ENPEP: variants seen among roughly 807,000 people sequenced by gnomAD.
ENPEP encodes the protein AP-A.
ENPEP carries 103 observed loss-of-function variants against 114.5 expected under a neutral mutation model. The ratio of observed to expected loss-of-function variants is 0.90; its 90% confidence interval spans 0.77 to 1.06. The LOEUF is 1.06. Among genes scored for constraint, ENPEP ranks in the 50% least tolerant of loss-of-function variants. ENPEP has a pLI of 0.00. For synonymous variants in ENPEP, 420 were observed against 422.0 expected, an observed-to-expected ratio of 1.00 and a Z score of 0.06; for missense variants, 1,196 against 1,161.3, an observed-to-expected ratio of 1.03 and a Z score of -0.43.
At chr4:110,490,399 A>G (rs2110337967) in intron 2 of ENPEP, among the ~76,000 whole-genome samples, 1 of 152,320 alleles carries the variant, frequency 6.6e-6, no homozygotes. Context: ...GAAATGTTTA[A>G]TAATGGAAGC....
Position 110,513,569 on chromosome 4 carries a change from G to C in ENPEP, c.1443+20G>C. The C allele has an allele frequency of 1.2e-6, 2 of 1,610,180 alleles. No homozygotes were observed. The highest frequency in any genetic ancestry group is 1.7e-6 in the Non-Finnish European group (2 of 1,178,324). ...AGCAAGGTGGGAGAAATAGAACATT[G>C]TTTTGAACATCTTCCTGTTTAGTGA... On this transcript the variant is annotated intron_variant, in intron 7 of 19. Transcript: ENST00000265162.
At position 110,525,923 on chromosome 4, in the gene ENPEP, G is replaced by A. The variant is rs990484233; in HGVS notation, c.1728-5275G>A. 3.6e-4 allele frequency among the ~76,000 whole-genome samples: 54 copies of A among 152,100 alleles called. 1 individual carries two copies. Among genetic ancestry groups the A allele is most frequent in the African/African-American group, 1.2e-3 (50 of 41,404 alleles). On this transcript the variant is annotated intron_variant, in intron 10 of 19. Coordinates refer to ENST00000265162, the MANE Select transcript of ENPEP (RefSeq NM_001977.4). ...GGTCACAGAAGGCTTTCTTTTCCAGGGATGTGATATTTAAGGTGAGCAAAT... is the reference window on the plus strand; with the variant it reads ...GGTCACAGAAGGCTTTCTTTTCCAGAGATGTGATATTTAAGGTGAGCAAAT...
chr4:110,522,646 A>G (rs1028745814), intron 10 of ENPEP, among the ~76,000 whole-genome samples: 6 of 152,230 alleles, frequency 3.9e-5, no homozygotes, highest in African/African-American at 1.4e-4. Flanking sequence ...ACAAAATTTC[A>G]GAAAACAGAG....
rs764842827 is a variant in ENPEP at position 110,553,348 on chromosome 4, T to G, written c.2535T>G (p.Ile845Met). 6.2e-7 allele frequency: 1 copy of G among 1,605,074 alleles called. No homozygotes were observed. Among genetic ancestry groups the G allele is most frequent in the Non-Finnish European group, 8.5e-7 (1 of 1,174,236 alleles). ...ATTTGCTCAAGGACACGAACCTTAT[T>G]AAAACTCAGGATGTGTTTACAGTCA... is the stretch of plus-strand genomic sequence containing the variant. Reference protein sequence around the residue: ...YLDLLKDTNLIKTQDVFTVIR... With the variant: ...YLDLLKDTNLMKTQDVFTVIR... Residue 845 changes from isoleucine to methionine, a missense_variant, in exon 18 of 20, where the codon ATT becomes ATG. Transcript: ENST00000265162.
At chr4:110,521,723 T>G (rs1725997318) in intron 10 of ENPEP, among the ~76,000 whole-genome samples, 1 of 152,076 alleles carries the variant, frequency 6.6e-6, no homozygotes, top group Admixed American at 6.5e-5. Flanking sequence ...ACCTGAAAGA[T>G]TAGATTTCTG....
rs1434478061 is a variant in ENPEP, at chr4:110,533,799, A to C, written c.1807+2522A>C. On this transcript the variant is annotated intron_variant, in intron 11 of 19. Coordinates refer to ENST00000265162, the MANE Select transcript of ENPEP (RefSeq NM_001977.4). ...ACCTATCTATGTCTCCCCTCCCCAC[A>C]GAATATTCTTAGAGGAAATGGAGCT... Among the ~76,000 whole-genome samples, 4 of 152,278 alleles carry C rather than the reference A, an allele frequency of 2.6e-5. No individual in the cohort carries two copies. The East Asian group carries it at 7.7e-4, about 29-fold the overall frequency.
intron 13 of ENPEP, among the ~76,000 whole-genome samples, chr4:110,543,778 T>G (rs1726942761): frequency 6.6e-6 from 1 of 152,032 alleles, no homozygotes; most frequent in Non-Finnish European, 1.5e-5. Context: ...ATTCTAGATA[T>G]GAGCAATGTG....
At chr4:110,541,042 G>A (rs888429538) in intron 11 of ENPEP, among the ~76,000 whole-genome samples, 2 of 152,184 alleles carry the variant, frequency 1.3e-5, no homozygotes, top group African/African-American at 4.8e-5. Context: ...TTTATGCTTA[G>A]CAAGAAACTC....
At chr4:110,508,850 G>A (rs1371302508) in intron 4 of ENPEP, among the ~76,000 whole-genome samples, 1 of 152,098 alleles carries the variant, frequency 6.6e-6, no homozygotes, top group African/African-American at 2.4e-5. Context: ...CAGAAAGAAA[G>A]GGCCTTCTCT....
chr4:110,504,642 G>A (rs746609187), intron 3 of ENPEP, among the ~76,000 whole-genome samples: 4 of 152,134 alleles, frequency 2.6e-5, no homozygotes, highest in South Asian at 2.1e-4. Flanking sequence ...GAGTTTCTCA[G>A]AAACAAAAGA....
intron 18 of ENPEP, among the ~76,000 whole-genome samples, chr4:110,556,586 C>A (rs1187587729): frequency 6.7e-6 from 1 of 150,242 alleles, no homozygotes; most frequent in African/African-American, 2.4e-5. Context: ...TACACTGAAT[C>A]CTTTGTTGTT....
At chr4:110,526,262 T>G (rs1726193669) in intron 10 of ENPEP, among the ~76,000 whole-genome samples, 1 of 151,730 alleles carries the variant, frequency 6.6e-6, no homozygotes, top group Non-Finnish European at 1.5e-5. Context: ...GGTGATAGAG[T>G]GAGACTCTGT....
In ENPEP at chr4:110,515,396, T is replaced by A. The variant is rs1297958070; in HGVS notation, c.1463T>A (p.Met488Lys). The stretch of plus-strand genomic sequence containing the variant: ...TTGTAGGGATCTTCTATTTTGAGAA[T>A]GCTTGAAGACTGGATAAAACCAGAG... ...SYSKGSSILR[M>K]LEDWIKPENF... The change falls in exon 8 of 20, where the codon ATG becomes AAG. Residue 488 changes from methionine (M) to lysine (K), a missense_variant. By Grantham distance (95) the Met-to-Lys change is moderately conservative (BLOSUM62 -1). Coordinates refer to ENST00000265162, the MANE Select transcript of ENPEP (RefSeq NM_001977.4). The A allele has an allele frequency of 1.8e-5, 29 of 1,600,846 alleles. No homozygotes were observed. Among genetic ancestry groups the A allele is most frequent in the Non-Finnish European group, 2.4e-5 (28 of 1,176,664 alleles).
intron 11 of ENPEP, among the ~76,000 whole-genome samples, chr4:110,540,241 A>C (rs774315361): frequency 9.9e-5 from 15 of 152,180 alleles, no homozygotes; most frequent in Admixed American, 2.0e-4. Context: ...TCATAAAAAC[A>C]GTAGGGTCCC....
At chr4:110,501,213 G>T (rs1578397234) in intron 3 of ENPEP, among the ~76,000 whole-genome samples, 1 of 152,110 alleles carries the variant, frequency 6.6e-6, no homozygotes, top group Non-Finnish European at 1.5e-5. Context: ...TGGCTCTGTT[G>T]ATCAAAGTAG....
At chr4:110,507,047 G>T (rs1383502800) in intron 4 of ENPEP, among the ~76,000 whole-genome samples, 1 of 152,138 alleles carries the variant, frequency 6.6e-6, no homozygotes, top group East Asian at 1.9e-4. Flanking sequence ...GGCAGAGCTT[G>T]GTAGTGATGG....
intron 1 of ENPEP, among the ~76,000 whole-genome samples, chr4:110,477,940 A>G (rs1217888057): frequency 6.6e-6 from 1 of 152,174 alleles, no homozygotes; most frequent in Non-Finnish European, 1.5e-5. Flanking sequence ...TTGAACTCCA[A>G]AAACTTCCTT....
Position 110,531,207 on chromosome 4 carries a change from G to T in ENPEP, c.1737G>T (p.Trp579Cys). Residue 579 changes from tryptophan to cysteine, a missense_variant, in exon 11 of 20, where the codon TGG (tryptophan) becomes TGT (cysteine). Physicochemically the swap from Trp to Cys is radical, Grantham distance 215 (BLOSUM62 -2). Coordinates refer to ENST00000265162, the MANE Select transcript of ENPEP (RefSeq NM_001977.4). The part of the protein sequence containing the change: ...SQPPSDLGYT[W>C]NIPVKWTEDN... ...TTTAAAAAAATTTTAGTTATACATG[G>T]AATATCCCAGTTAAATGGACTGAAG... 1 of 1,466,118 alleles carries T rather than the reference G, an allele frequency of 6.8e-7. No individual in the cohort carries two copies. The highest frequency in any genetic ancestry group is 9.1e-7 in the Non-Finnish European group (1 of 1,093,390). 90.8% of individuals were successfully genotyped at this position (1,466,118 alleles called of 1,614,324 possible).
chr4:110,522,898 G>C (rs959480315), intron 10 of ENPEP, among the ~76,000 whole-genome samples: 5 of 152,068 alleles, frequency 3.3e-5, no homozygotes, highest in African/African-American at 1.2e-4. Flanking sequence ...AGGGTTTTGG[G>C]GGTTGGAGGA....
Sources: allele counts gnomAD v4.1 joint callset (sites outside exome capture counted in the v4.1 genomes callset), GRCh38; gene constraint gnomAD v4.1.1; transcripts MANE v1.5; gene names NCBI Gene and HGNC (gene_info 2026-07-23, HGNC 2026-07-21).